CUL1: variants seen among roughly 807,000 people sequenced by gnomAD.
CUL1 encodes cullin-1.
Under a neutral mutation model 118.0 loss-of-function variants are expected in CUL1, and 24 were observed. The observed-to-expected ratio is 0.20, with a 90% confidence interval of 0.15 to 0.29. CUL1 has a LOEUF of 0.29. CUL1 is among the 10% of genes least tolerant of loss of function. The pLI, the probability that CUL1 is intolerant of heterozygous loss-of-function variation, is 1.00. For missense variants in CUL1, 361 were observed against 933.8 expected, an observed-to-expected ratio of 0.39 and a Z score of 7.99; for synonymous variants, 332 against 340.4, an observed-to-expected ratio of 0.98 and a Z score of 0.27.
chr7:148,758,923 C>G (rs1440305184), intron 4 of CUL1, among the ~76,000 whole-genome samples: 4 of 152,124 alleles, frequency 2.6e-5, no homozygotes, highest in African/African-American at 9.7e-5. Context: ...TCTTGAGACT[C>G]AAAAGTTGTT....
intron 2 of CUL1, among the ~76,000 whole-genome samples, chr7:148,752,669 G>GA (rs1383155087): frequency 6.6e-6 from 1 of 151,862 alleles, no homozygotes; most frequent in African/African-American, 2.4e-5. Context: ...TATTTTTTGA[G>GA]ACAGAGTCTT....
At chr7:148,734,667 G>C (rs1045217358) in intron 2 of CUL1, among the ~76,000 whole-genome samples, 2 of 152,110 alleles carry the variant, frequency 1.3e-5, no homozygotes, top group South Asian at 4.1e-4. Context: ...TATTGACACC[G>C]CTATATTTCA....
At chr7:148,775,684 A>G (rs1800370967) in intron 9 of CUL1, among the ~76,000 whole-genome samples, 1 of 152,216 alleles carries the variant, frequency 6.6e-6, no homozygotes, top group Non-Finnish European at 1.5e-5. Flanking sequence ...ACGTAGCTAA[A>G]TTTGTGAATT....
At chr7:148,746,334 G>A (rs1014788095) in intron 2 of CUL1, among the ~76,000 whole-genome samples, 1 of 152,190 alleles carries the variant, frequency 6.6e-6, no homozygotes, top group Non-Finnish European at 1.5e-5. Context: ...TATCAGTGAT[G>A]ACCTAGTCAT....
intron 2 of CUL1, among the ~76,000 whole-genome samples, chr7:148,741,385 A>G (rs1330348405): frequency 1.3e-5 from 2 of 152,196 alleles, no homozygotes; most frequent in East Asian, 3.8e-4. Flanking sequence ...TGAGGGTTCC[A>G]GTTTCTCCAC....
At chr7:148,717,609 C>T (rs2129459202) in intron 1 of CUL1, among the ~76,000 whole-genome samples, 1 of 152,098 alleles carries the variant, frequency 6.6e-6, no homozygotes, top group East Asian at 1.9e-4. Flanking sequence ...ATAACTCTGT[C>T]ACCCTCACAG....
At chr7:148,779,105 A>C (rs1388591735) in intron 9 of CUL1, among the ~76,000 whole-genome samples, 1 of 152,212 alleles carries the variant, frequency 6.6e-6, no homozygotes, top group Non-Finnish European at 1.5e-5. Flanking sequence ...AAAGAGTAAG[A>C]TAAAAAGTTA....
At chr7:148,721,286 C>G (rs1195520267) in intron 1 of CUL1, among the ~76,000 whole-genome samples, 1 of 152,204 alleles carries the variant, frequency 6.6e-6, no homozygotes, top group African/African-American at 2.4e-5. Flanking sequence ...TGGAAGCTCC[C>G]TGAGCACTTC....
At chr7:148,740,542 A>G (rs1002523196) in intron 2 of CUL1, among the ~76,000 whole-genome samples, 9 of 152,124 alleles carry the variant, frequency 5.9e-5, no homozygotes, top group Admixed American at 3.3e-4. Flanking sequence ...ACCTTCTACT[A>G]ATGTACTTTG....
chr7:148,781,984 T>C (rs1445327824), intron 9 of CUL1, among the ~76,000 whole-genome samples: 1 of 152,242 alleles, frequency 6.6e-6, no homozygotes, highest in Admixed American at 6.5e-5. Flanking sequence ...ACGCAGTTCT[T>C]TGTAGGGCCG....
intron 9 of CUL1, among the ~76,000 whole-genome samples, chr7:148,781,079 ATTTTTTT>A (rs1197920664): frequency 2.1e-5 from 2 of 93,732 alleles, no homozygotes; most frequent in Non-Finnish European, 3.8e-5. Context: ...TCAAGGCCAG[ATTTTTTT>A]TTTTTTTTTT....
chr7:148,799,036 T>C (rs1801303232), intron 20 of CUL1, among the ~76,000 whole-genome samples: 1 of 152,054 alleles, frequency 6.6e-6, no homozygotes, highest in Non-Finnish European at 1.5e-5. Context: ...TGAGTTAAAT[T>C]ATTGAGGTAA....
At chr7:148,773,096 C>G (rs187165263) in intron 9 of CUL1, among the ~76,000 whole-genome samples, 15 of 152,286 alleles carry the variant, frequency 9.8e-5, no homozygotes, top group African/African-American at 3.1e-4. Context: ...GCAGTTTCGT[C>G]TTTCAGAAAT....
chr7:148,754,016 C>A lies in CUL1; in HGVS notation c.181C>A (p.Gln61Lys). 6.2e-7 allele frequency: 1 copy of A among 1,613,090 alleles called. No homozygotes were observed. The highest frequency in any genetic ancestry group is 8.5e-7 in the Non-Finnish European group (1 of 1,179,694). Residue 61 changes from glutamine (Q) to lysine (K), a missense_variant, in exon 3 of 22, where the codon CAA (glutamine) becomes AAA (lysine). Around this residue, in one of 7 missense-constraint regions of CUL1, gnomAD observed 49 missense variants for 67.4 expected, o/e 0.73. Transcript: ENST00000325222. The stretch of plus-strand genomic sequence containing the variant: ...CTGTACTAGTGTTCACCAGTCAAAC[C>A]AAGCACGAGGAGCTGGAGTTCCTCC... ...NYCTSVHQSNQARGAGVPPSK... is the reference protein window; with the variant it reads ...NYCTSVHQSNKARGAGVPPSK...
At chr7:148,783,928 A>G in intron 10 of CUL1, 38 bp downstream of exon 10, 1 of 1,613,470 alleles carries the variant, frequency 6.2e-7, no homozygotes, top group Non-Finnish European at 8.5e-7. Context: ...TGTAGTATGT[A>G]TGGATGGGGC....
In CUL1 at chr7:148,797,852, A is replaced by G; in HGVS notation, c.1940A>G (p.Lys647Arg). 1 of 1,613,574 alleles carries G rather than the reference A, an allele frequency of 6.2e-7. No individual in the cohort carries two copies. Among genetic ancestry groups the G allele is most frequent in the Middle Eastern group, 1.7e-4 (1 of 6,060 alleles). Reference protein sequence around the residue: ...AQVLQILLKSKLLVLEDENAN... With the variant: ...AQVLQILLKSRLLVLEDENAN... ...GTTTTACAGATTTTATTAAAGTCGA[A>G]GCTATTGGTAGGTTTGCGCCCTTTT... The change falls in exon 18 of 22, where the codon AAG (lysine) becomes AGG (arginine). Residue 647 changes from lysine to arginine, a missense_variant. Transcript: ENST00000325222.
chr7:148,778,348 C>T (rs371294306), intron 9 of CUL1, among the ~76,000 whole-genome samples: 19 of 152,180 alleles, frequency 1.2e-4, no homozygotes, highest in East Asian at 5.8e-4. Flanking sequence ...CCCCTGAGCA[C>T]GCACAGACTG....
upstream of CUL1, chr7:148,698,546 A>G (rs1234017271): frequency 6.6e-6 from 1 of 151,880 alleles, no homozygotes; most frequent in Non-Finnish European, 1.5e-5. Context: ...CGCAGGTAGA[A>G]GCTTCCCCAC....
intron 1 of CUL1, among the ~76,000 whole-genome samples, chr7:148,701,874 TAGGTCCTAA>T: frequency 6.6e-6 from 1 of 152,354 alleles, no homozygotes; most frequent in Non-Finnish European, 1.5e-5. Flanking sequence ...CAGCCTTCCG[TAGGTCCTAA>T]AGCCAGTGAC....
Sources: gnomAD v4.1 joint callset for allele counts (sites outside exome capture counted in the v4.1 genomes callset) on GRCh38, gnomAD v4.1.1 for gene constraint, gnomAD v4.1.1 regional missense constraint, MANE v1.5 for transcripts, NCBI Gene and HGNC (gene_info 2026-07-23, HGNC 2026-07-21) for gene names.